IQSEC1: variants seen among roughly 807,000 people sequenced by gnomAD.
IQSEC1 encodes IQ motif and SEC7 domain-containing protein 1.
A neutral mutation model predicts 91.0 loss-of-function variants in IQSEC1; 31 were observed. The observed-to-expected ratio is 0.34, with a 90% CI of 0.26 to 0.46. The LOEUF is 0.46. IQSEC1 is among the 20% of genes least tolerant of loss of function. The pLI, the probability that IQSEC1 is intolerant of heterozygous loss-of-function variation, is 1.00. For synonymous variants in IQSEC1, 699 were observed against 662.6 expected, an observed-to-expected ratio of 1.05 and a Z score of -0.84; for missense variants, 1,388 against 1,575.6, an observed-to-expected ratio of 0.88 and a Z score of 2.02.
chr3:13,107,405 C>T (rs532308423), intron 2 of IQSEC1, among the ~76,000 whole-genome samples: 43 of 152,376 alleles, frequency 2.8e-4, no homozygotes, highest in African/African-American at 9.1e-4. Context: ...TACTATACAG[C>T]ACGCAGTGTT....
chr3:13,019,859 C>G (rs1449551153), intron 1 of IQSEC1, among the ~76,000 whole-genome samples: 1 of 152,174 alleles, frequency 6.6e-6, no homozygotes. Context: ...AGCCACAAAG[C>G]CTCCCGTAAG....
chr3:13,061,053 A>T (rs2125088108), intron 1 of IQSEC1, among the ~76,000 whole-genome samples: 1 of 152,210 alleles, frequency 6.6e-6, no homozygotes, highest in Non-Finnish European at 1.5e-5. Context: ...CACATACACA[A>T]GGGTGACATT....
chr3:12,966,109 G>A (rs1406139844), intron 1 of IQSEC1, among the ~76,000 whole-genome samples: 2 of 152,222 alleles, frequency 1.3e-5, no homozygotes, highest in East Asian at 3.8e-4. Context: ...GCGGGTGTGT[G>A]TGGGATATGA....
intron 1 of IQSEC1, among the ~76,000 whole-genome samples, chr3:13,260,177 G>A (rs1695357660): frequency 6.6e-6 from 1 of 152,214 alleles, no homozygotes; most frequent in Non-Finnish European, 1.5e-5. Flanking sequence ...GGAGGAGGAA[G>A]GGAAGAGGGT....
chr3:13,109,988 T>G (rs1166361444), intron 2 of IQSEC1, among the ~76,000 whole-genome samples: 1 of 150,556 alleles, frequency 6.6e-6, no homozygotes, highest in Non-Finnish European at 1.5e-5. Flanking sequence ...GTTCAAGCGA[T>G]TCTCCTGCCT....
In IQSEC1 at chr3:13,131,730, G is replaced by A. The variant is rs747604991; in HGVS notation, c.302+32374C>T. ...TCGAACTCCTGACCTCAGGTGATCCGCCTGCATCAGCCCCACAAAGTGCAA... is the reference window on the plus strand; with the variant it reads ...TCGAACTCCTGACCTCAGGTGATCCACCTGCATCAGCCCCACAAAGTGCAA... On this transcript the variant is annotated intron_variant, in intron 2 of 15. Coordinates refer to the IQSEC1 transcript ENST00000648114. 3.3e-5 allele frequency among the ~76,000 whole-genome samples: 5 copies of A among 152,114 alleles called. No homozygotes were observed. In the East Asian group the frequency reaches 7.7e-4, roughly 24 times the overall value.
chr3:13,071,023 C>T (rs1019731809), intron 1 of IQSEC1, among the ~76,000 whole-genome samples: 2 of 152,200 alleles, frequency 1.3e-5, no homozygotes, highest in Admixed American at 1.3e-4. Context: ...TGAATAGCTG[C>T]ATCACGGGAA....
chr3:12,991,490 G>T (rs769069586), intron 1 of IQSEC1, among the ~76,000 whole-genome samples: 1 of 152,182 alleles, frequency 6.6e-6, no homozygotes, highest in Admixed American at 6.5e-5. Flanking sequence ...CCTCTTGCAC[G>T]TGAGAAACAC....
chr3:13,179,651 G>A (rs1336504501), intron 1 of IQSEC1, among the ~76,000 whole-genome samples: 1 of 152,276 alleles, frequency 6.6e-6, no homozygotes, highest in African/African-American at 2.4e-5. Flanking sequence ...TCCCACTTTG[G>A]TGGCACTTGA....
At chr3:13,273,519 C>T (rs915189013) in intron 1 of IQSEC1, among the ~76,000 whole-genome samples, 2 of 152,228 alleles carry the variant, frequency 1.3e-5, no homozygotes, top group Non-Finnish European at 2.9e-5. Flanking sequence ...GGTTCCACTC[C>T]TCTCTCTCCT....
chr3:13,277,034 A>G (rs1029075635), intron 1 of IQSEC1, among the ~76,000 whole-genome samples: 4 of 145,566 alleles, frequency 2.7e-5, no homozygotes, highest in African/African-American at 1.0e-4. Context: ...GCTCTGTGGC[A>G]ATTATACGGC....
intron 2 of IQSEC1, among the ~76,000 whole-genome samples, chr3:13,128,948 C>G (rs1706563555): frequency 6.8e-6 from 1 of 147,590 alleles, no homozygotes; most frequent in African/African-American, 2.5e-5. Flanking sequence ...GTTTTATTTT[C>G]TTGTTCTAGC....
At chr3:13,022,170 CTGGCCA>C in intron 1 of IQSEC1, 1 of 1,231,738 alleles carries the variant, frequency 8.1e-7, no homozygotes, top group Non-Finnish European at 1.0e-6. Context: ...GAGTCTCCTC[CTGGCCA>C]GGGAACGGCT....
chr3:13,147,098 G>C (rs1706911339), intron 2 of IQSEC1, among the ~76,000 whole-genome samples: 1 of 152,220 alleles, frequency 6.6e-6, no homozygotes, highest in Admixed American at 6.5e-5. Flanking sequence ...TGGCAGGAGA[G>C]CCCAGGGGCT....
intron 6 of IQSEC1, among the ~76,000 whole-genome samples, 184 bp from the exon 7 acceptor site, chr3:12,915,917 C>T (rs548142241): frequency 3.3e-5 from 5 of 152,320 alleles, no homozygotes; most frequent in African/African-American, 7.2e-5. Flanking sequence ...CCTACCAGAA[C>T]GGGCCCAATA....
chr3:13,025,712 C>T (rs1703586715), intron 1 of IQSEC1, among the ~76,000 whole-genome samples: 1 of 152,212 alleles, frequency 6.6e-6, no homozygotes, highest in Non-Finnish European at 1.5e-5. Context: ...AATGGGCACA[C>T]TATACTCGAC....
chr3:13,072,039 G>A (rs976968776), intron 1 of IQSEC1, among the ~76,000 whole-genome samples: 1 of 152,252 alleles, frequency 6.6e-6, no homozygotes, highest in Non-Finnish European at 1.5e-5. Context: ...GGAGGCCTTG[G>A]GGTAGCCCCC....
intron 1 of IQSEC1, among the ~76,000 whole-genome samples, chr3:12,972,868 T>A (rs1351863482): frequency 6.6e-6 from 1 of 152,152 alleles, no homozygotes; most frequent in Non-Finnish European, 1.5e-5. Context: ...CCTAAGACTG[T>A]TAGATGCAGT....
At chr3:13,145,324 CACCCAGCTGTCT>C (rs1238141176) in intron 2 of IQSEC1, among the ~76,000 whole-genome samples, 1 of 152,174 alleles carries the variant, frequency 6.6e-6, no homozygotes, top group Non-Finnish European at 1.5e-5. Flanking sequence ...GACCCAGGGC[CACCCAGCTGTCT>C]ACTCCACCCC....
Sources: allele counts gnomAD v4.1 joint callset (sites outside exome capture counted in the v4.1 genomes callset), GRCh38; gene constraint gnomAD v4.1.1; transcripts MANE v1.5; gene names NCBI Gene and HGNC (gene_info 2026-07-23, HGNC 2026-07-21).